INSC: variants seen among roughly 807,000 people sequenced by gnomAD.
INSC encodes the protein protein inscuteable homolog.
INSC carries 67 observed loss-of-function variants against 58.6 expected under a neutral mutation model. The ratio of observed to expected loss-of-function variants is 1.14; its 90% CI spans 0.94 to 1.40. The LOEUF is 1.40. Among genes scored for constraint, INSC ranks in the 40% most tolerant of loss-of-function variants. The probability of loss-of-function intolerance (pLI) is 0.00; values close to 1 mark genes in which losing one functional copy is unlikely to be tolerated. For missense variants in INSC, 714 were observed against 692.0 expected, an observed-to-expected ratio of 1.03 and a Z score of -0.36; for synonymous variants, 262 against 276.1, an observed-to-expected ratio of 0.95 and a Z score of 0.51.
intron 9 of INSC, among the ~76,000 whole-genome samples, chr11:15,233,694 G>GTCCTTCCTTCCTTCCT (rs10629474): frequency 6.6e-6 from 1 of 151,074 alleles, no homozygotes; most frequent in Non-Finnish European, 1.5e-5. Flanking sequence ...TTCCTAGTTT[G>GTCCTTCCTTCCTTCCT]TCCTTCCTTC....
intron 9 of INSC, among the ~76,000 whole-genome samples, chr11:15,227,015 AG>A (rs1305354010): frequency 1.3e-5 from 2 of 152,206 alleles, no homozygotes; most frequent in African/African-American, 4.8e-5. Flanking sequence ...ATAATTTTCT[AG>A]TATCTAAGCA....
the INSC span, among the ~76,000 whole-genome samples, chr11:15,253,336 G>A: frequency 0.08 from 12,132 of 152,138 alleles, 527 homozygotes; most frequent in African/African-American, 0.1. Context: ...GGAATCGAGA[G>A]CCTATTCAAA....
At chr11:15,186,990 T>C (rs946566441) in intron 5 of INSC, among the ~76,000 whole-genome samples, 27 of 152,200 alleles carry the variant, frequency 1.8e-4, no homozygotes, top group African/African-American at 6.5e-4. Flanking sequence ...AGATGTGGTA[T>C]TCAGCTGGCA....
intron 4 of INSC, among the ~76,000 whole-genome samples, 171 bp from the exon 5 acceptor site, chr11:15,178,153 C>G (rs941000128): frequency 1.3e-5 from 2 of 152,188 alleles, no homozygotes; most frequent in Non-Finnish European, 2.9e-5. Flanking sequence ...TCTCTGCACA[C>G]TAAGAGACCA....
intron 6 of INSC, 135 bp downstream of exon 6, chr11:15,190,949 A>AG: frequency 1.6e-6 from 1 of 620,278 alleles, no homozygotes; most frequent in Non-Finnish European, 2.9e-6. Context: ...TGGGAGAGTC[A>AG]CTTATCCTAT....
intron 1 of INSC, among the ~76,000 whole-genome samples, chr11:15,128,078 A>T (rs1266542214): frequency 7.9e-5 from 12 of 151,856 alleles, no homozygotes; most frequent in Non-Finnish European, 1.6e-4. Flanking sequence ...CAAGTCATTT[A>T]TCCTCTCTGG....
the INSC span, among the ~76,000 whole-genome samples, chr11:15,252,642 G>T: frequency 6.6e-6 from 1 of 152,090 alleles, no homozygotes; most frequent in African/African-American, 2.4e-5. Context: ...CTTTTTATGC[G>T]CTAGTCTTAG....
At chr11:15,127,310 G>A (rs945683707) in intron 1 of INSC, among the ~76,000 whole-genome samples, 3 of 152,188 alleles carry the variant, frequency 2.0e-5, no homozygotes, top group Admixed American at 6.5e-5. Context: ...CAGCCTCTCC[G>A]TGCAGTCTGC....
At chr11:15,148,218 T>C (rs11023453) in intron 1 of INSC, among the ~76,000 whole-genome samples, 43,144 of 152,112 alleles carry the variant, frequency 0.28, 6,303 homozygotes, top group Middle Eastern at 0.34. Flanking sequence ...CTGTGTAGAA[T>C]AAAAACCCTC....
At chr11:15,153,425 C>T (rs1848712421) in intron 2 of INSC, among the ~76,000 whole-genome samples, 1 of 152,214 alleles carries the variant, frequency 6.6e-6, no homozygotes. Flanking sequence ...AGCTTGTCTC[C>T]ATGTAGATAA....
intron 1 of INSC, among the ~76,000 whole-genome samples, chr11:15,125,097 G>A (rs1847961480): frequency 6.6e-6 from 1 of 152,152 alleles, no homozygotes; most frequent in Admixed American, 6.5e-5. Context: ...AGGGGTGGGA[G>A]GTGGTTTATA....
chr11:15,209,557 C>T (rs1448800601), intron 7 of INSC, among the ~76,000 whole-genome samples: 3 of 152,140 alleles, frequency 2.0e-5, no homozygotes, highest in East Asian at 3.9e-4. Flanking sequence ...GCTCTGGAAG[C>T]GTATCCCACA....
chr11:15,259,073 C>T, the INSC span, among the ~76,000 whole-genome samples: 2 of 152,146 alleles, frequency 1.3e-5, no homozygotes, highest in African/African-American at 4.8e-5. Context: ...TACAAAGTTA[C>T]TGTGTGGACA....
chr11:15,219,096 C>G (rs1851337368), intron 7 of INSC, among the ~76,000 whole-genome samples: 1 of 152,050 alleles, frequency 6.6e-6, no homozygotes. Context: ...GAATTGCTGG[C>G]ACATGAAAGT....
chr11:15,241,048 C>T (rs984472104), intron 12 of INSC, among the ~76,000 whole-genome samples: 3 of 152,180 alleles, frequency 2.0e-5, no homozygotes, highest in East Asian at 1.9e-4. Context: ...TGGATCTTCA[C>T]CTTGAACACA....
At chr11:15,152,201 G>C (rs1236504170) in intron 2 of INSC, among the ~76,000 whole-genome samples, 1 of 152,192 alleles carries the variant, frequency 6.6e-6, no homozygotes, top group Non-Finnish European at 1.5e-5. Flanking sequence ...GCCTGTGGAA[G>C]GGGGAGGAAG....
chr11:15,193,973 A>G (rs1590431057), intron 6 of INSC, among the ~76,000 whole-genome samples: 1 of 152,226 alleles, frequency 6.6e-6, no homozygotes. Flanking sequence ...AAAATGAAGC[A>G]TGTCTCTCAC....
intron 6 of INSC, among the ~76,000 whole-genome samples, chr11:15,196,334 T>G (rs991951278): frequency 6.6e-6 from 1 of 152,210 alleles, no homozygotes; most frequent in African/African-American, 2.4e-5. Flanking sequence ...GTTTTACAGG[T>G]TAGAACGCCA....
At chr11:15,117,869 G>A (rs1348600364) in intron 1 of INSC, among the ~76,000 whole-genome samples, 1 of 152,112 alleles carries the variant, frequency 6.6e-6, no homozygotes, top group Non-Finnish European at 1.5e-5. Context: ...CCATCTCTGT[G>A]CTGGCTCAGA....
Sources: gnomAD v4.1 joint callset for allele counts (sites outside exome capture counted in the v4.1 genomes callset) on GRCh38, gnomAD v4.1.1 for gene constraint, MANE v1.5 for transcripts, NCBI Gene and HGNC (gene_info 2026-07-23, HGNC 2026-07-21) for gene names.